MYRIP: variants seen among roughly 807,000 people sequenced by gnomAD.
MYRIP encodes the protein myosin VIIA and Rab interacting protein.
Under a neutral mutation model 98.0 loss-of-function variants are expected in MYRIP, and 49 were observed. The observed-to-expected ratio is 0.50, with a 90% CI of 0.40 to 0.63. MYRIP has a LOEUF of 0.63. MYRIP is among the 30% of genes least tolerant of loss of function. The pLI is 0.00. For missense variants in MYRIP, 1,004 were observed against 1,058.2 expected, an observed-to-expected ratio of 0.95 and a Z score of 0.71; for synonymous variants, 404 against 409.5, an observed-to-expected ratio of 0.99 and a Z score of 0.16.
intron 3 of MYRIP, among the ~76,000 whole-genome samples, chr3:40,050,262 AG>A (rs1459730016): frequency 6.6e-6 from 1 of 152,152 alleles, no homozygotes; most frequent in Non-Finnish European, 1.5e-5. Context: ...CTGTCTTGTT[AG>A]GGGCTGATGT....
chr3:39,995,287 GA>G (rs972787114), intron 2 of MYRIP, among the ~76,000 whole-genome samples: 8 of 152,014 alleles, frequency 5.3e-5, no homozygotes, highest in South Asian at 2.1e-4. Flanking sequence ...TAAAAACCTT[GA>G]AAAAAAATTA....
At chr3:39,852,011 G>C (rs995410628) in intron 1 of MYRIP, among the ~76,000 whole-genome samples, 1 of 152,060 alleles carries the variant, frequency 6.6e-6, no homozygotes, top group Non-Finnish European at 1.5e-5. Flanking sequence ...GCAGCCAGAG[G>C]GGAGTTCTTT....
At chr3:39,854,813 T>C (rs1449501962) in intron 1 of MYRIP, among the ~76,000 whole-genome samples, 1 of 152,212 alleles carries the variant, frequency 6.6e-6, no homozygotes, top group Non-Finnish European at 1.5e-5. Context: ...CTGTTCAGAT[T>C]CCTTTGTTCC....
intron 1 of MYRIP, among the ~76,000 whole-genome samples, chr3:39,824,029 G>A (rs1941194254): frequency 6.6e-6 from 1 of 151,918 alleles, no homozygotes; most frequent in South Asian, 2.1e-4. Context: ...ATTGATTTTT[G>A]TTTAAGGCGA....
At chr3:40,249,816 A>C (rs1223466703) in intron 13 of MYRIP, among the ~76,000 whole-genome samples, 1 of 152,178 alleles carries the variant, frequency 6.6e-6, no homozygotes. Context: ...TTTTGGATTC[A>C]TGAAGTTATG....
chr3:40,034,607 A>G (rs991803462), intron 2 of MYRIP, among the ~76,000 whole-genome samples: 1 of 150,046 alleles, frequency 6.7e-6, no homozygotes, highest in Admixed American at 6.6e-5. Flanking sequence ...AAATAGGAAC[A>G]CTTTTACACT....
At chr3:40,004,105 A>G (rs2125788520) in intron 2 of MYRIP, among the ~76,000 whole-genome samples, 1 of 152,328 alleles carries the variant, frequency 6.6e-6, no homozygotes, top group African/African-American at 2.4e-5. Context: ...CAGCACAGGC[A>G]TGTCTGACTG....
chr3:39,982,047 T>C (rs1945909489), intron 2 of MYRIP, among the ~76,000 whole-genome samples: 1 of 152,184 alleles, frequency 6.6e-6, no homozygotes, highest in South Asian at 2.1e-4. Context: ...TCCTCAACTA[T>C]AAATTAAGGA....
At chr3:40,250,529 A>G (rs775910232) in intron 15 of MYRIP, 30 bp downstream of exon 15, 1 of 1,612,658 alleles carries the variant, frequency 6.2e-7, no homozygotes, top group Non-Finnish European at 8.5e-7. Context: ...CAAAGCTACC[A>G]AAAAATTAAG....
chr3:39,954,032 C>T (rs1312263195), intron 2 of MYRIP, among the ~76,000 whole-genome samples: 1 of 152,114 alleles, frequency 6.6e-6, no homozygotes, highest in African/African-American at 2.4e-5. Context: ...TGGGTGGAGC[C>T]CACCGCAGCT....
intron 12 of MYRIP, among the ~76,000 whole-genome samples, chr3:40,237,528 G>A (rs1575667660): frequency 1.3e-5 from 2 of 152,174 alleles, no homozygotes; most frequent in Admixed American, 6.5e-5. Flanking sequence ...GTAGAACAGG[G>A]TTTACCACCT....
At chr3:39,920,848 G>A in intron 2 of MYRIP, among the ~76,000 whole-genome samples, 1 of 152,108 alleles carries the variant, frequency 6.6e-6, no homozygotes. Context: ...TCTCCCTCCT[G>A]GGCTGGTTCT....
chr3:39,997,090 T>C (rs1431253219), intron 2 of MYRIP, among the ~76,000 whole-genome samples: 3 of 152,230 alleles, frequency 2.0e-5, no homozygotes, highest in Admixed American at 1.3e-4. Flanking sequence ...AGGAAAGATC[T>C]AAAATGGACA....
rs148235583 is a variant in MYRIP at position 40,075,722 on chromosome 3, G to A, written c.332+31451G>A. Among the ~76,000 whole-genome samples, 577 of 152,172 alleles carry A rather than the reference G, an allele frequency of 3.8e-3. 6 individuals are homozygous for A. Among genetic ancestry groups the A allele is most frequent in the African/African-American group, 0.013 (536 of 41,526 alleles). The stretch of plus-strand genomic sequence containing the variant: ...AGGACATAGGCCAGTGTGTAGTATG[G>A]TCTCTTCTGTAGAAGAAAGGGGGTG... On this transcript the variant is annotated intron_variant, in intron 3 of 16. Coordinates refer to ENST00000302541, the MANE Select transcript of MYRIP (RefSeq NM_015460.4).
At chr3:40,104,123 A>G (rs953043576) in intron 3 of MYRIP, among the ~76,000 whole-genome samples, 2 of 152,230 alleles carry the variant, frequency 1.3e-5, no homozygotes. Context: ...GGAAGAACAG[A>G]TCAGTTCAAA....
At chr3:39,886,675 C>T (rs1943312362) in intron 1 of MYRIP, among the ~76,000 whole-genome samples, 1 of 151,846 alleles carries the variant, frequency 6.6e-6, no homozygotes, top group Non-Finnish European at 1.5e-5. Flanking sequence ...ACAGGAGCAT[C>T]CAGATTCATA....
chr3:40,114,910 C>T (rs1321369554), intron 3 of MYRIP, among the ~76,000 whole-genome samples: 1 of 152,126 alleles, frequency 6.6e-6, no homozygotes, highest in Non-Finnish European at 1.5e-5. Context: ...GAAATGCACA[C>T]ACGGGCCTAA....
intron 2 of MYRIP, among the ~76,000 whole-genome samples, chr3:39,947,565 T>C (rs757464273): frequency 2.6e-5 from 4 of 152,190 alleles, no homozygotes; most frequent in South Asian, 2.1e-4. Flanking sequence ...ACTCAAATTG[T>C]GGTCTACAGA....
intron 2 of MYRIP, among the ~76,000 whole-genome samples, chr3:39,957,099 T>C (rs1460391691): frequency 6.6e-6 from 1 of 151,682 alleles, no homozygotes; most frequent in Non-Finnish European, 1.5e-5. Context: ...CTACCAGAGG[T>C]ACAAAGAGAA....
Sources: allele counts gnomAD v4.1 joint callset (sites outside exome capture counted in the v4.1 genomes callset), GRCh38; gene constraint gnomAD v4.1.1; transcripts MANE v1.5; gene names NCBI Gene and HGNC (gene_info 2026-07-23, HGNC 2026-07-21).